The following IGFBP5 variants were observed in gnomAD, a reference collection of about 807,000 sequenced individuals.
IGFBP5 encodes the protein insulin like growth factor binding protein 5.
A neutral mutation model predicts 28.0 loss-of-function variants in IGFBP5; 12 were observed. The observed-to-expected ratio is 0.43, with a 90% CI of 0.27 to 0.69. IGFBP5 has a LOEUF of 0.69. IGFBP5 is among the 30% of genes least tolerant of loss of function. The pLI is 0.20. For synonymous variants in IGFBP5, 152 were observed against 150.2 expected (o/e 1.01, Z -0.09); for missense variants, 344 against 381.6 (o/e 0.90, Z 0.82).
Position 216,692,362 on chromosome 2 carries a change from C to CGTGTATGTGT in IGFBP5, c.337+2076_337+2077insACACATACAC, listed in dbSNP as rs1553551890. Among the ~76,000 whole-genome samples the CGTGTATGTGT allele has an allele frequency of 7.0e-6, 1 of 142,436 alleles. No individual in the cohort carries two copies. The highest frequency in any genetic ancestry group is 1.5e-5 in the Non-Finnish European group (1 of 64,942). 93.4% of individuals were successfully genotyped at this position (142,436 alleles called of 152,430 possible). A position where few individuals can be genotyped will look rare whatever the true frequency, so the allele number is the denominator to read the frequency against. On this transcript the variant is annotated intron_variant, in intron 1 of 3. Coordinates refer to ENST00000233813, the MANE Select transcript of IGFBP5 (RefSeq NM_000599.4). The surrounding 1 kb of genome is among the most constrained non-coding windows in gnomAD (Gnocchi z 4.2). ...GGGATCTTGCTTGGGACTGAAGTGT[C>CGTGTATGTGT]GTGTGTGTGTGTGTGTGTGTGTGTG...
intron 1 of IGFBP5, among the ~76,000 whole-genome samples, chr2:216,682,707 G>GT (rs933916180): frequency 6.6e-6 from 1 of 151,182 alleles, no homozygotes; most frequent in Non-Finnish European, 1.5e-5. Flanking sequence ...GACTGGAAGC[G>GT]TTTTTTGTTT....
rs377259220 is a variant in IGFBP5, at chr2:216,676,759, C to A, written c.811G>T (p.Val271Phe). ...GGTTGGGGGGGGACGCATCACTCAA[C>A]GTTGCTGCTGTCGAAGGTGTGGCAC... is the stretch of plus-strand genomic sequence containing the variant. The part of the protein sequence containing the change: ...FQCHTFDSSN[V>F]E The change falls in exon 4 of 4, where the codon GTT (valine) becomes TTT (phenylalanine). Residue 271 changes from valine (V) to phenylalanine (F), a missense_variant. Val to Phe is a conservative substitution (Grantham distance 50). Coordinates refer to ENST00000233813, the MANE Select transcript of IGFBP5 (RefSeq NM_000599.4). The A allele has an allele frequency of 1.9e-6, 3 of 1,613,206 alleles. No homozygotes were observed. Among genetic ancestry groups the A allele is most frequent in the South Asian group, 1.1e-5 (1 of 91,002 alleles).
Position 216,679,710 on chromosome 2 carries a change from G to A in IGFBP5, c.338-631C>T, listed in dbSNP as rs1485134576. Among the ~76,000 whole-genome samples the A allele has an allele frequency of 6.6e-6, 1 of 152,154 alleles. No individual in the cohort carries two copies. Among genetic ancestry groups the A allele is most frequent in the African/African-American group, 2.4e-5 (1 of 41,426 alleles). ...AGGACCTTCATAAGCGGCAGGAGGA[G>A]GGGAGGGGAGAGCCAGAAATGTAGG... On this transcript the variant is annotated intron_variant, in intron 1 of 3. Transcript: ENST00000233813. The surrounding 1 kb of genome is among the most constrained non-coding windows in gnomAD (Gnocchi z 4.6).
rs988677036 is a variant in IGFBP5 at position 216,679,118 on chromosome 2, C to T, written c.338-39G>A. ...AGCCGGAGGGTCAGCCCCCGTGGGC[C>T]AAGGTGCACACGGCCAGAGCCCAGG... On this transcript the variant is annotated intron_variant, in intron 1 of 3. Coordinates refer to ENST00000233813, the MANE Select transcript of IGFBP5 (RefSeq NM_000599.4). The surrounding 1 kb of genome is among the most constrained non-coding windows in gnomAD (Gnocchi z 4.6). 2.7e-5 allele frequency: 42 copies of T among 1,554,924 alleles called. No individual in the cohort carries two copies. The highest frequency in any genetic ancestry group is 3.5e-5 in the Non-Finnish European group (40 of 1,126,890).
intron 3 of IGFBP5, among the ~76,000 whole-genome samples, 170 bp from the exon 4 acceptor site, chr2:216,677,052 G>A (rs537898538): frequency 6.6e-6 from 1 of 151,822 alleles, no homozygotes; most frequent in African/African-American, 2.4e-5. Flanking sequence ...AAGACCCAGG[G>A]AAAATGTGAA....
At chr2:216,683,876 T>A (rs1260795042) in intron 1 of IGFBP5, among the ~76,000 whole-genome samples, 1 of 152,242 alleles carries the variant, frequency 6.6e-6, no homozygotes, top group Non-Finnish European at 1.5e-5. Context: ...TCCTTCCCAC[T>A]GGCTCTCCAA....
intron 1 of IGFBP5, among the ~76,000 whole-genome samples, chr2:216,691,911 CA>C (rs1689102615): frequency 8.7e-6 from 1 of 114,696 alleles, no homozygotes; most frequent in Admixed American, 9.8e-5. Flanking sequence ...GGGGCAAATC[CA>C]TATCTGCAAG....
intron 1 of IGFBP5, among the ~76,000 whole-genome samples, chr2:216,680,480 C>T (rs1688960426): frequency 6.6e-6 from 1 of 152,160 alleles, no homozygotes; most frequent in African/African-American, 2.4e-5. Context: ...GACTTCTGAG[C>T]TTGCAGCCCT....
Position 216,673,397 on chromosome 2 carries a change from G to T in IGFBP5, c.*3354C>A, listed in dbSNP as rs553104194. On this transcript the variant is annotated 3_prime_UTR_variant, in exon 4 of 4. Transcript: ENST00000233813. The surrounding 1 kb of genome is among the most constrained non-coding windows in gnomAD (Gnocchi z 4.3). ...TGTCTAGGCCTGGCTGTCAAAGAAA[G>T]GTTCCAGTCTCTTCCTCCCCATGTG... 1.3e-5 allele frequency: 2 copies of T among 152,510 alleles called. No homozygotes were observed. The highest frequency in any genetic ancestry group is 3.4e-3 in the Middle Eastern group (1 of 296). The allele number at this position is 152,510 out of a possible 1,614,324, so 9.4% of individuals were successfully genotyped here. A position where few individuals can be genotyped will look rare whatever the true frequency, so the allele number is the denominator to read the frequency against.
intron 1 of IGFBP5, among the ~76,000 whole-genome samples, chr2:216,682,941 C>T (rs2106220462): frequency 6.6e-6 from 1 of 152,168 alleles, no homozygotes; most frequent in Non-Finnish European, 1.5e-5. Flanking sequence ...ATCTCCTGAC[C>T]TCGTGATCCG....
At chr2:216,682,899 G>A (rs1688993070) in intron 1 of IGFBP5, among the ~76,000 whole-genome samples, 2 of 151,930 alleles carry the variant, frequency 1.3e-5, no homozygotes, top group Non-Finnish European at 1.5e-5. Flanking sequence ...TAGTAGAGAT[G>A]GGGTTTCACC....
intron 1 of IGFBP5, among the ~76,000 whole-genome samples, chr2:216,687,334 T>C (rs1193316112): frequency 6.6e-6 from 1 of 152,100 alleles, no homozygotes; most frequent in Non-Finnish European, 1.5e-5. Flanking sequence ...TCCCTGAAGA[T>C]ATATAGAGAA....
rs11545386 is a variant in IGFBP5 at position 216,672,396 on chromosome 2, T to A, written c.*4355A>T. ...CCATCCTTTTCACCAGTAAAGATTA[T>A]CATCGTTTATTTTTGTTTTTAAAGT... On this transcript the variant is annotated 3_prime_UTR_variant, in exon 4 of 4. Coordinates refer to ENST00000233813, the MANE Select transcript of IGFBP5 (RefSeq NM_000599.4). The A allele has an allele frequency of 6.6e-6, 1 of 150,562 alleles. No individual in the cohort carries two copies. The highest frequency in any genetic ancestry group is 2.4e-5 in the African/African-American group (1 of 40,878). The allele number at this position is 150,562 out of a possible 1,614,324, so 9.3% of individuals were successfully genotyped here.
chr2:216,690,210 C>A (rs555125467), intron 1 of IGFBP5, among the ~76,000 whole-genome samples: 2 of 152,182 alleles, frequency 1.3e-5, no homozygotes, highest in Non-Finnish European at 2.9e-5. Context: ...GGAATTGCAG[C>A]TTTTGGACCA....
At chr2:216,688,767 G>A (rs3755138) in intron 1 of IGFBP5, among the ~76,000 whole-genome samples, 74 of 152,270 alleles carry the variant, frequency 4.9e-4, no homozygotes, top group African/African-American at 1.3e-3. Context: ...AACTGAGTTC[G>A]TTTAAAATGT....
intron 1 of IGFBP5, among the ~76,000 whole-genome samples, chr2:216,689,361 T>A (rs1219220775): frequency 6.6e-6 from 1 of 152,178 alleles, no homozygotes; most frequent in African/African-American, 2.4e-5. Context: ...ACCAAACCAC[T>A]AGCCTAAGCC....
rs930845202 is a variant in IGFBP5, at chr2:216,676,526, TA to T, written c.*224del. The T allele has an allele frequency of 4.0e-5, 13 of 322,886 alleles. No homozygotes were observed. Among genetic ancestry groups the T allele is most frequent in the Admixed American group, 9.8e-5 (2 of 20,362 alleles). 20.0% of individuals were successfully genotyped at this position (322,886 alleles called of 1,614,324 possible). A position where few individuals can be genotyped will look rare whatever the true frequency, so the allele number is the denominator to read the frequency against. On this transcript the variant is annotated 3_prime_UTR_variant, in exon 4 of 4. Coordinates refer to ENST00000233813, the MANE Select transcript of IGFBP5 (RefSeq NM_000599.4). ...AACTTGCCTCAAAAAGAAAACCATT[TA>T]AAGGGGGGGGGTGTCTTTTTAGCTT... is the stretch of plus-strand genomic sequence containing the variant.
At chr2:216,684,008 C>T (rs1202623707) in intron 1 of IGFBP5, among the ~76,000 whole-genome samples, 2 of 152,200 alleles carry the variant, frequency 1.3e-5, no homozygotes, top group Non-Finnish European at 2.9e-5. Flanking sequence ...AGCCTCTCCC[C>T]ATGGTAACAT....
Position 216,678,112 on chromosome 2 carries a change from C to A in IGFBP5, c.687G>T (p.Gln229His). The change falls in exon 3 of 4, where the codon CAG becomes CAT. Residue 229 changes from glutamine (Q) to histidine (H), a missense_variant and splice_region_variant. By Grantham distance (24) the Gln-to-His change is conservative. Around this residue, in one of 3 missense-constraint regions of IGFBP5, gnomAD observed 304 missense variants for 329.2 expected, o/e 0.92. Transcript: ENST00000233813. ...CDRKGFYKRKQCKPSRGRKRG... is the reference protein window; with the variant it reads ...CDRKGFYKRKHCKPSRGRKRG... ...CTGGAGCTCAGGGCAGGGGACGTAC[C>A]TGCTTTCTCTTGTAGAATCCTTTGC... is the stretch of plus-strand genomic sequence containing the variant. 6.6e-7 allele frequency: 1 copy of A among 1,514,492 alleles called. No individual in the cohort carries two copies. The highest frequency in any genetic ancestry group is 8.9e-7 in the Non-Finnish European group (1 of 1,121,544). The allele number at this position is 1,514,492 out of a possible 1,614,324, so 93.8% of individuals were successfully genotyped here.
Sources: gnomAD v4.1 joint callset for allele counts (sites outside exome capture counted in the v4.1 genomes callset) on GRCh38, gnomAD v4.1.1 for gene constraint, gnomAD v4.1.1 regional missense constraint, Gnocchi (gnomAD v3.1) non-coding constraint, MANE v1.5 for transcripts, NCBI Gene and HGNC (gene_info 2026-07-23, HGNC 2026-07-21) for gene names.